The following GYG2 variants were observed in gnomAD, a reference collection of about 807,000 sequenced individuals.
GYG2 encodes glycogenin-2.
Under a neutral mutation model 29.4 loss-of-function variants are expected in GYG2, and 29 were observed. The observed-to-expected ratio is 0.99, with a 90% CI of 0.74 to 1.35. GYG2 has a LOEUF of 1.35. Among genes scored for constraint, GYG2 ranks in the 40% most tolerant of loss-of-function variants. GYG2 has a pLI of 0.00. For synonymous variants in GYG2, 167 were observed against 172.3 expected, an observed-to-expected ratio of 0.97 and a Z score of 0.24; for missense variants, 370 against 385.7, an observed-to-expected ratio of 0.96 and a Z score of 0.34.
At chrX:2,877,445 C>T in intron 10 of GYG2, 138 bp downstream of exon 10, 4 of 1,088,533 alleles carry the variant, frequency 3.7e-6, no homozygotes, top group Non-Finnish European at 4.8e-6. Context: ...TTCCCTCTTC[C>T]CCTGCCTCTG....
chrX:2,843,032 C>CG (rs1289029005), intron 2 of GYG2, 181 bp from the exon 3 acceptor site: 3 of 502,712 alleles, frequency 6.0e-6, no homozygotes, highest in Non-Finnish European at 1.1e-5. Flanking sequence ...AGGCTGGTCT[C>CG]GAACTCCTGA....
chrX:2,853,864 G>A (rs781323440), intron 3 of GYG2, 116 bp from the exon 4 acceptor site: 4 of 517,445 alleles, frequency 7.7e-6, no homozygotes, highest in Non-Finnish European at 1.4e-5. Flanking sequence ...GGGCTGTGGG[G>A]ATTCTCTTTG....
intron 3 of GYG2, among the ~76,000 whole-genome samples, chrX:2,847,715 TAA>T (rs367758512): frequency 0.19 from 17,305 of 92,492 alleles, 1,106 homozygotes; most frequent in East Asian, 0.26. Flanking sequence ...AATAAATAAA[TAA>T]ATAAATAAAT....
chrX:2,858,653 G>A (rs1476086878), intron 6 of GYG2, among the ~76,000 whole-genome samples: 2 of 111,453 alleles, frequency 1.8e-5, no homozygotes, highest in Non-Finnish European at 3.8e-5. Flanking sequence ...CAGAGGACAC[G>A]GTGTCCCTAA....
At position 2,873,100 on chromosome X, in the gene GYG2, G is replaced by A. The variant is rs1330537330; in HGVS notation, c.1039-2710G>A. 6.3e-5 allele frequency among the ~76,000 whole-genome samples: 7 copies of A among 111,629 alleles called. No individual in the cohort carries two copies. In the Admixed American group the frequency reaches 6.7e-4, roughly 11 times the overall value. On this transcript the variant is annotated intron_variant, in intron 8 of 10. Coordinates refer to ENST00000398806, the MANE Select transcript of GYG2 (RefSeq NM_001079855.2). ...TAAACTTTGCAGCAGTAAGAGGGAA[G>A]GCTCAACCTGTCTGCCTCATAGGGC... is the stretch of plus-strand genomic sequence containing the variant.
At chrX:2,855,590 C>T (rs2087966621) in intron 5 of GYG2, among the ~76,000 whole-genome samples, 2 of 112,060 alleles carry the variant, frequency 1.8e-5, no homozygotes, top group African/African-American at 6.5e-5. Flanking sequence ...CATGACTGTA[C>T]TTGGCATTGA....
intron 8 of GYG2, among the ~76,000 whole-genome samples, chrX:2,875,527 C>T (rs776066620): frequency 1.9e-5 from 2 of 108,029 alleles, no homozygotes; most frequent in South Asian, 4.1e-4. Context: ...CTCACATTCA[C>T]TCACATCACC....
chrX:2,876,043 T>A, intron 9 of GYG2, 129 bp downstream of exon 9: 1 of 225,017 alleles, frequency 4.4e-6, no homozygotes, highest in Admixed American at 8.0e-5. Context: ...CTTTTTTTTT[T>A]TTTTTTTTTT....
At chrX:2,878,050 A>G (rs1167708265) in intron 10 of GYG2, 2 of 745,769 alleles carry the variant, frequency 2.7e-6, no homozygotes, top group African/African-American at 4.6e-5. Flanking sequence ...CAGCATTTTG[A>G]ACTTAATTTC....
At chrX:2,848,750 C>T (rs754394907) in intron 3 of GYG2, among the ~76,000 whole-genome samples, 3 of 111,612 alleles carry the variant, frequency 2.7e-5, no homozygotes, top group South Asian at 3.8e-4. Flanking sequence ...CATTTTCCAT[C>T]ATGTGATTAT....
chrX:2,844,624 G>A (rs1236436977), intron 3 of GYG2, among the ~76,000 whole-genome samples: 1 of 15,876 alleles, frequency 6.3e-5, no homozygotes. Flanking sequence ...ATGTGTATAC[G>A]CACACGCATG....
chrX:2,861,712 G>T lies in GYG2; in HGVS notation c.1028G>T (p.Arg343Leu). The T allele has an allele frequency of 8.5e-7, 1 of 1,176,975 alleles. No individual in the cohort carries two copies. The highest frequency in any genetic ancestry group is 1.1e-6 in the Non-Finnish European group (1 of 872,317). Residue 343 changes from arginine (R) to leucine (L), a missense_variant, in exon 8 of 11, where the codon CGT becomes CTT. Coordinates refer to ENST00000398806, the MANE Select transcript of GYG2 (RefSeq NM_001079855.2). ...ACCCTGTCCCTACCTGAAGGACGCC[G>T]TTCAGAAGATGTAAGTACCTGCATT... ...DETLSLPEGR[R>L]SEDMIACPET... is the part of the protein sequence containing the mutation.
chrX:2,853,846 C>A, intron 3 of GYG2, 134 bp from the exon 4 acceptor site: 3 of 476,047 alleles, frequency 6.3e-6, no homozygotes, highest in East Asian at 3.5e-5. Flanking sequence ...ACATGGAGAC[C>A]GCAGTGAGGG....
intron 3 of GYG2, among the ~76,000 whole-genome samples, chrX:2,852,525 G>T (rs1056385338): frequency 1.8e-5 from 2 of 111,825 alleles, no homozygotes; most frequent in Non-Finnish European, 3.8e-5. Flanking sequence ...TTGATAAAAT[G>T]GACAGTCTTT....
In GYG2 at chrX:2,860,067, T is replaced by G. The variant is rs377738756; in HGVS notation, c.837+2T>G. 9.9e-6 allele frequency: 11 copies of G among 1,106,197 alleles called. No homozygotes were observed. The highest frequency in any genetic ancestry group is 1.4e-5 in the Non-Finnish European group (11 of 811,179). 91.2% of individuals were successfully genotyped at this position (1,106,197 alleles called of 1,213,427 possible). A position where few individuals can be genotyped will look rare whatever the true frequency, so the allele number is the denominator to read the frequency against. On this transcript the variant is annotated splice_donor_variant, in intron 7 of 10. Transcript: ENST00000398806. LOFTEE classifies it high-confidence loss of function. ...GCACGCGCGTCTCCTGGTCACACAGTAAGTGGGGGATTCCCTTAAAACCCG... is the reference window on the plus strand; with the variant it reads ...GCACGCGCGTCTCCTGGTCACACAGGAAGTGGGGGATTCCCTTAAAACCCG...
intron 1 of GYG2, chrX:2,829,280 G>A (rs2147111805): frequency 9.7e-6 from 1 of 102,572 alleles, no homozygotes; most frequent in South Asian, 4.5e-4. Context: ...TGAGTGCGCC[G>A]AGCCAGGGCA....
chrX:2,869,088 C>T (rs2088385419), intron 8 of GYG2, among the ~76,000 whole-genome samples: 1 of 110,474 alleles, frequency 9.1e-6, no homozygotes, highest in African/African-American at 3.3e-5. Flanking sequence ...TCTATGGGTT[C>T]CATATCTGTG....
intron 9 of GYG2, 71 bp from the exon 10 acceptor site, chrX:2,877,129 C>T: frequency 4.3e-6 from 5 of 1,169,318 alleles, no homozygotes; most frequent in Non-Finnish European, 5.8e-6. Context: ...AAAGAGTTCT[C>T]CATCATTTAG....
Position 2,860,669 on chromosome X carries a change from G to C in GYG2, c.837+604G>C, listed in dbSNP as rs761345412. The stretch of plus-strand genomic sequence containing the variant: ...TTTTTTTTTTTTTTTTTTTTAACTA[G>C]AGCATTTGTACTAGAGTACCAGAGT... On this transcript the variant is annotated intron_variant, in intron 7 of 10. Transcript: ENST00000398806. Among the ~76,000 whole-genome samples, 3 of 95,344 alleles carry C rather than the reference G, an allele frequency of 3.1e-5. No homozygotes were observed. The South Asian group carries it at 1.5e-3, about 49-fold the overall frequency. 82.8% of individuals were successfully genotyped at this position (95,344 alleles called of 115,157 possible).
Sources: gnomAD v4.1 joint callset for allele counts (sites outside exome capture counted in the v4.1 genomes callset) on GRCh38, gnomAD v4.1.1 for gene constraint, MANE v1.5 for transcripts, NCBI Gene and HGNC (gene_info 2026-07-23, HGNC 2026-07-21) for gene names.